The following B3GALT1 variants were observed in gnomAD, a reference collection of about 807,000 sequenced individuals.
B3GALT1 encodes the protein beta-1,3-galactosyltransferase 1, also known as UDP-Gal:betaGlcNAc beta 1,3-galactosyltransferase, polypeptide 1.
In B3GALT1, 10 loss-of-function variants were observed where a neutral mutation model predicts 23.2. The observed-to-expected ratio is 0.43, with a 90% CI of 0.27 to 0.73. The LOEUF (loss-of-function observed/expected upper bound fraction) is 0.73, where lower values mean the gene tolerates loss of function less well. B3GALT1 is among the 30% of genes least tolerant of loss of function. The pLI is 0.21. For missense variants in B3GALT1, 299 were observed against 405.4 expected, an observed-to-expected ratio of 0.74 and a Z score of 2.25; for synonymous variants, 156 against 141.5, an observed-to-expected ratio of 1.10 and a Z score of -0.73.
intron 1 of B3GALT1, among the ~76,000 whole-genome samples, chr2:167,343,039 T>A (rs532842171): frequency 5.9e-5 from 9 of 152,318 alleles, no homozygotes; most frequent in Admixed American, 1.3e-4. Context: ...GCCCACTGAA[T>A]TGAGTGTCTG....
intron 1 of B3GALT1, among the ~76,000 whole-genome samples, chr2:167,338,524 AG>A (rs1697096481): frequency 6.6e-6 from 1 of 152,140 alleles, no homozygotes; most frequent in Non-Finnish European, 1.5e-5. Flanking sequence ...AAAACTTAGT[AG>A]ATGATATAAA....
intron 2 of B3GALT1, among the ~76,000 whole-genome samples, chr2:167,564,246 C>T (rs556566563): frequency 1.0e-3 from 156 of 151,390 alleles, no homozygotes; most frequent in African/African-American, 3.6e-3. Context: ...CAGAGGCGCT[C>T]CCCACATCTC....
intron 3 of B3GALT1, among the ~76,000 whole-genome samples, chr2:167,749,934 C>G (rs1234791761): frequency 6.6e-6 from 1 of 152,218 alleles, no homozygotes; most frequent in Non-Finnish European, 1.5e-5. Flanking sequence ...AATGTAAGAG[C>G]TCTGCCCTTT....
At chr2:167,369,363 A>G (rs966553887) in intron 1 of B3GALT1, among the ~76,000 whole-genome samples, 26 of 152,148 alleles carry the variant, frequency 1.7e-4, no homozygotes, top group African/African-American at 5.8e-4. Flanking sequence ...AAATCAAAGC[A>G]AAGTTGCTCA....
At position 167,863,990 on chromosome 2, in the gene B3GALT1, A is replaced by ATGTGTGTG. The variant is rs34276280; in HGVS notation, c.-229-4791_-229-4784dup. 4.4e-3 allele frequency among the ~76,000 whole-genome samples: 635 copies of ATGTGTGTG among 143,706 alleles called. 3 individuals carry two copies. Among genetic ancestry groups the ATGTGTGTG allele is most frequent in the East Asian group, 0.01 (50 of 4,870 alleles). The allele number at this position is 143,706 out of a possible 152,430, so 94.3% of individuals were successfully genotyped here. The stretch of plus-strand genomic sequence containing the variant: ...TGATTCTGTGTGCATGCATGTATGT[A>ATGTGTGTG]TGTGTGTGTGTGTGTGTGTGTGTGT... On this transcript the variant is annotated intron_variant, in intron 4 of 4. Coordinates refer to ENST00000392690, the MANE Select transcript of B3GALT1 (RefSeq NM_020981.4).
At chr2:167,346,761 CGTGTGTGT>C (rs750555778) in intron 1 of B3GALT1, among the ~76,000 whole-genome samples, 1 of 146,344 alleles carries the variant, frequency 6.8e-6, no homozygotes. Flanking sequence ...GGGGGTGGTG[CGTGTGTGT>C]GTGTGTGCGT....
chr2:167,374,176 G>C (rs1396428730), intron 1 of B3GALT1, among the ~76,000 whole-genome samples: 7 of 152,150 alleles, frequency 4.6e-5, no homozygotes. Flanking sequence ...CGTCCATGCA[G>C]CTGGCAATGG....
chr2:167,378,506 C>A (rs555413535), intron 1 of B3GALT1, among the ~76,000 whole-genome samples: 54 of 151,906 alleles, frequency 3.6e-4, no homozygotes, highest in African/African-American at 1.2e-3. Flanking sequence ...TCTTAAAGGC[C>A]TTGTTTATTT....
chr2:167,466,757 G>A (rs1699350556), intron 1 of B3GALT1, among the ~76,000 whole-genome samples: 1 of 151,144 alleles, frequency 6.6e-6, no homozygotes, highest in Non-Finnish European at 1.5e-5. Flanking sequence ...CTTTTGCCCA[G>A]GCTGGAGTGC....
intron 3 of B3GALT1, among the ~76,000 whole-genome samples, chr2:167,669,121 G>T (rs1423198712): frequency 6.6e-6 from 1 of 151,806 alleles, no homozygotes; most frequent in African/African-American, 2.4e-5. Flanking sequence ...TCCTTGTTGT[G>T]GTCTGTATCC....
In B3GALT1 at chr2:167,516,371, T is replaced by G. The variant is rs181073937; in HGVS notation, c.-410+26094T>G. Among the ~76,000 whole-genome samples, 414 of 152,210 alleles carry G rather than the reference T, an allele frequency of 2.7e-3. 1 individual carries two copies. The highest frequency in any genetic ancestry group is 9.3e-3 in the African/African-American group (385 of 41,568). On this transcript the variant is annotated intron_variant, in intron 2 of 4. Coordinates refer to ENST00000392690, the MANE Select transcript of B3GALT1 (RefSeq NM_020981.4). ...ATAAACCTGAGTTTTGTTTTTGCTT[T>G]TGTTTTTGTTTTGCTTAAGTTTTTT...
At chr2:167,407,213 G>A (rs1698296078) in intron 1 of B3GALT1, among the ~76,000 whole-genome samples, 1 of 151,818 alleles carries the variant, frequency 6.6e-6, no homozygotes, top group South Asian at 2.1e-4. Context: ...ACAAACACAT[G>A]GAAATAAAAC....
At chr2:167,558,278 G>A (rs184159998) in intron 2 of B3GALT1, 2 of 152,348 alleles carry the variant, frequency 1.3e-5, no homozygotes, top group Admixed American at 6.5e-5. Context: ...GTTTACAACA[G>A]ATTCAGAGAA....
intron 2 of B3GALT1, among the ~76,000 whole-genome samples, chr2:167,564,532 A>G (rs1032531747): frequency 1.3e-5 from 2 of 152,160 alleles, no homozygotes; most frequent in African/African-American, 4.8e-5. Flanking sequence ...TGGAGGCCGC[A>G]GCGAGCCGAG....
chr2:167,771,321 G>T (rs950826958), intron 3 of B3GALT1, among the ~76,000 whole-genome samples: 1 of 152,158 alleles, frequency 6.6e-6, no homozygotes, highest in Non-Finnish European at 1.5e-5. Context: ...CGTGTGCAGT[G>T]GCTCACGCCT....
intron 3 of B3GALT1, among the ~76,000 whole-genome samples, chr2:167,816,820 A>G (rs1689000972): frequency 6.6e-6 from 1 of 152,212 alleles, no homozygotes; most frequent in Non-Finnish European, 1.5e-5. Flanking sequence ...ATAATCTAGT[A>G]AGTGCTATAT....
intron 1 of B3GALT1, among the ~76,000 whole-genome samples, chr2:167,296,239 A>G (rs1474002640): frequency 6.6e-6 from 1 of 152,256 alleles, no homozygotes; most frequent in African/African-American, 2.4e-5. Flanking sequence ...GATCACATCA[A>G]TATGAATAGC....
chr2:167,834,944 C>G (rs1415912619), intron 4 of B3GALT1, among the ~76,000 whole-genome samples: 3 of 152,172 alleles, frequency 2.0e-5, no homozygotes, highest in Admixed American at 2.0e-4. Flanking sequence ...CTAAGAAACT[C>G]TGCCTCTGTC....
At chr2:167,452,813 A>G (rs1189062272) in intron 1 of B3GALT1, among the ~76,000 whole-genome samples, 1 of 152,204 alleles carries the variant, frequency 6.6e-6, no homozygotes, top group African/African-American at 2.4e-5. Context: ...CAAGAGGCTG[A>G]TGTAGAAGCC....
Sources: gnomAD v4.1 joint callset for allele counts (sites outside exome capture counted in the v4.1 genomes callset) on GRCh38, gnomAD v4.1.1 for gene constraint, MANE v1.5 for transcripts, NCBI Gene and HGNC (gene_info 2026-07-23, HGNC 2026-07-21) for gene names.